The following ITGA9 variants were observed in gnomAD, a reference collection of about 807,000 sequenced individuals.
ITGA9 encodes the protein integrin alpha-9.
A neutral mutation model predicts 127.8 loss-of-function variants in ITGA9; 56 were observed. The observed-to-expected ratio is 0.44, with a 90% CI of 0.35 to 0.55. The LOEUF (loss-of-function observed/expected upper bound fraction) is 0.55. ITGA9 is among the 20% of genes least tolerant of loss of function. The pLI is 0.00. For missense variants in ITGA9, 1,196 were observed against 1,347.1 expected, an observed-to-expected ratio of 0.89 and a Z score of 1.76; for synonymous variants, 508 against 514.5, an observed-to-expected ratio of 0.99 and a Z score of 0.17.
intron 16 of ITGA9, among the ~76,000 whole-genome samples, chr3:37,647,115 G>A (rs1484274581): frequency 6.6e-6 from 1 of 152,010 alleles, no homozygotes; most frequent in Admixed American, 6.6e-5. Flanking sequence ...ATTCCATGGT[G>A]TATTGTTTTT....
intron 14 of ITGA9, among the ~76,000 whole-genome samples, chr3:37,538,326 C>A (rs1007370083): frequency 6.6e-6 from 1 of 152,230 alleles, no homozygotes; most frequent in Non-Finnish European, 1.5e-5. Flanking sequence ...CTGGCCCAGG[C>A]CCGTGCAGGG....
At chr3:37,548,411 A>G (rs1210830382) in intron 15 of ITGA9, among the ~76,000 whole-genome samples, 2 of 152,204 alleles carry the variant, frequency 1.3e-5, no homozygotes, top group African/African-American at 4.8e-5. Flanking sequence ...ATTAAAACTT[A>G]ACAGAGTGCA....
intron 4 of ITGA9, among the ~76,000 whole-genome samples, chr3:37,483,154 A>G (rs1043744244): frequency 6.6e-6 from 1 of 152,178 alleles, no homozygotes; most frequent in African/African-American, 2.4e-5. Flanking sequence ...GCATAGGACC[A>G]GTACTTTGGT....
intron 7 of ITGA9, among the ~76,000 whole-genome samples, chr3:37,506,630 A>G (rs1273224871): frequency 6.6e-6 from 1 of 152,080 alleles, no homozygotes; most frequent in Non-Finnish European, 1.5e-5. Flanking sequence ...TCTGCCAAAA[A>G]ACCCACCCCC....
intron 18 of ITGA9, among the ~76,000 whole-genome samples, chr3:37,694,646 CA>C (rs1700865902): frequency 6.6e-6 from 1 of 152,212 alleles, no homozygotes; most frequent in African/African-American, 2.4e-5. Context: ...CCCAGAGCCG[CA>C]AGACTTGAGT....
chr3:37,548,288 C>CA (rs1179835145), intron 15 of ITGA9, among the ~76,000 whole-genome samples: 1 of 152,150 alleles, frequency 6.6e-6, no homozygotes, highest in Non-Finnish European at 1.5e-5. Flanking sequence ...TTTCAGCGGC[C>CA]AGGGTTTGGG....
intron 17 of ITGA9, among the ~76,000 whole-genome samples, chr3:37,679,701 G>A (rs747483688): frequency 2.6e-5 from 4 of 152,144 alleles, no homozygotes; most frequent in African/African-American, 4.8e-5. Flanking sequence ...AATCAGGCAC[G>A]GGGTTTTTAT....
chr3:37,473,136 C>CAAAAAAAAAAAAAAAAAAA (rs36109791), intron 2 of ITGA9, among the ~76,000 whole-genome samples: 2 of 70,776 alleles, frequency 2.8e-5, no homozygotes, highest in Admixed American at 1.9e-4. Flanking sequence ...GAGACTGTCT[C>CAAAAAAAAAAAAAAAAAAA]AAAAAAAAAA....
intron 16 of ITGA9, among the ~76,000 whole-genome samples, chr3:37,636,192 C>G (rs1472358039): frequency 2.0e-5 from 3 of 152,154 alleles, no homozygotes; most frequent in Non-Finnish European, 4.4e-5. Context: ...TTCTAGATCC[C>G]TGAGGAATCG....
chr3:37,483,806 C>T (rs959734835), intron 4 of ITGA9, among the ~76,000 whole-genome samples: 2 of 152,088 alleles, frequency 1.3e-5, no homozygotes, highest in South Asian at 2.1e-4. Flanking sequence ...TGTTGTCATT[C>T]TCCTGTGACA....
intron 8 of ITGA9, among the ~76,000 whole-genome samples, chr3:37,509,588 T>G (rs1307234851): frequency 6.6e-6 from 1 of 152,152 alleles, no homozygotes; most frequent in African/African-American, 2.4e-5. Context: ...CCCATTCAAG[T>G]AGACCTTTTT....
At chr3:37,528,830 C>T (rs1699120797) in intron 13 of ITGA9, among the ~76,000 whole-genome samples, 1 of 152,216 alleles carries the variant, frequency 6.6e-6, no homozygotes, top group African/African-American at 2.4e-5. Context: ...GTTTTGACCA[C>T]TGCATACGCT....
chr3:37,553,149 T>G (rs1385338535), intron 15 of ITGA9, among the ~76,000 whole-genome samples: 4 of 152,226 alleles, frequency 2.6e-5, no homozygotes, highest in African/African-American at 7.2e-5. Flanking sequence ...TTCTATCTAT[T>G]CGTACTTCTT....
chr3:37,764,592 C>G (rs1210262931), intron 23 of ITGA9, among the ~76,000 whole-genome samples: 1 of 152,106 alleles, frequency 6.6e-6, no homozygotes, highest in Non-Finnish European at 1.5e-5. Flanking sequence ...CATCCCTGAC[C>G]TTGTCTTCCA....
intron 23 of ITGA9, among the ~76,000 whole-genome samples, chr3:37,765,556 A>G (rs1025986057): frequency 1.3e-5 from 2 of 152,172 alleles, no homozygotes; most frequent in Non-Finnish European, 2.9e-5. Flanking sequence ...TTTGCCTTAA[A>G]TCTTTTTCTC....
At chr3:37,639,312 T>C (rs1437071230) in intron 16 of ITGA9, among the ~76,000 whole-genome samples, 1 of 152,220 alleles carries the variant, frequency 6.6e-6, no homozygotes, top group Non-Finnish European at 1.5e-5. Context: ...GCTGCCTTCA[T>C]TGGAGTCACA....
Position 37,597,034 on chromosome 3 carries a change from T to G in ITGA9, c.1690-32153T>G, listed in dbSNP as rs991120591. 6.6e-6 allele frequency among the ~76,000 whole-genome samples: 1 copy of G among 152,132 alleles called. No individual in the cohort carries two copies. Among genetic ancestry groups the G allele is most frequent in the African/African-American group, 2.4e-5 (1 of 41,422 alleles). Reference sequence around the variant, plus strand: ...TGCTGGGAAAGGGGGTGAGAGGAAGTGACTGCAGCTTTTTTATCTCCCACT... The same window carrying G: ...TGCTGGGAAAGGGGGTGAGAGGAAGGGACTGCAGCTTTTTTATCTCCCACT... On this transcript the variant is annotated intron_variant, in intron 15 of 27. Coordinates refer to ENST00000264741, the MANE Select transcript of ITGA9 (RefSeq NM_002207.3). This position sits in a 1 kb window ranked among gnomAD's most constrained non-coding sequence, Gnocchi z 4.6.
At chr3:37,635,225 C>A (rs1217668737) in intron 16 of ITGA9, among the ~76,000 whole-genome samples, 2 of 152,138 alleles carry the variant, frequency 1.3e-5, no homozygotes, top group African/African-American at 4.8e-5. Flanking sequence ...CTTGTCTTGG[C>A]TCAACTGTGA....
chr3:37,475,662 G>C (rs1698486204), intron 3 of ITGA9, among the ~76,000 whole-genome samples: 1 of 152,138 alleles, frequency 6.6e-6, no homozygotes, highest in Non-Finnish European at 1.5e-5. Context: ...TATGGGTGCT[G>C]GGCAAAGAGG....
Sources: allele counts gnomAD v4.1 joint callset (sites outside exome capture counted in the v4.1 genomes callset), GRCh38; gene constraint gnomAD v4.1.1; non-coding constraint Gnocchi (gnomAD v3.1); transcripts MANE v1.5; gene names NCBI Gene and HGNC (gene_info 2026-07-23, HGNC 2026-07-21).